Variants in EIF3C observed in about 807,000 individuals in gnomAD.
EIF3C encodes the protein cell migration-inducing protein 17.
Under a neutral mutation model 11.1 loss-of-function variants are expected in EIF3C, and 2 were observed. That is an observed-to-expected ratio of 0.18 (90% confidence interval 0.07 to 0.57). EIF3C has a LOEUF of 0.57. Among genes scored for constraint, EIF3C ranks in the 20% least tolerant of loss-of-function variants. EIF3C has a pLI of 0.92. For synonymous variants in EIF3C, 2 were observed against 41.5 expected, an observed-to-expected ratio of 0.05 and a Z score of 3.66; for missense variants, 16 against 114.6, an observed-to-expected ratio of 0.14 and a Z score of 3.93.
intron 1 of EIF3C, among the ~76,000 whole-genome samples, chr16:28,696,964 C>CTTT (rs574170044): frequency 2.2e-4 from 9 of 41,262 alleles, no homozygotes; most frequent in African/African-American, 1.9e-3. Flanking sequence ...ACACTACTAT[C>CTTT]TTTTTTTTTT....
Position 28,701,227 on chromosome 16 carries a change from C to T in EIF3C, c.-30-10430C>T, listed in dbSNP as rs368724118. On this transcript the variant is annotated intron_variant, in intron 1 of 20. Transcript: ENST00000566501. ...AAACTGCTTTTGCTGAGCGTGTCCA[C>T]GTTCCAGGTCATGCTCTTTTTCTTG... 167 of 369,890 alleles carry T rather than the reference C, an allele frequency of 4.5e-4. 53 individuals are homozygous for T. The highest frequency in any genetic ancestry group is 7.0e-4 in the Non-Finnish European group (141 of 201,660). 22.9% of individuals were successfully genotyped at this position (369,890 alleles called of 1,614,324 possible).
chr16:28,704,528 C>T lies in EIF3C; in HGVS notation c.-30-7129C>T, dbSNP rs1189821232. 6.5e-5 allele frequency among the ~76,000 whole-genome samples: 5 copies of T among 77,496 alleles called. 1 individual carries two copies. Among genetic ancestry groups the T allele is most frequent in the African/African-American group, 2.0e-4 (2 of 10,092 alleles). 50.8% of individuals were successfully genotyped at this position (77,496 alleles called of 152,430 possible). ...CCTGGGAACATAGTGAGGCCCCCCC[C>T]GTCTCTACAAAAAACAAAAACCCCA... On this transcript the variant is annotated intron_variant, in intron 1 of 20. Transcript: ENST00000566501.
In EIF3C at chr16:28,695,591, G is replaced by T. The variant is rs1411044833; in HGVS notation, c.-31+6763G>T. On this transcript the variant is annotated intron_variant, in intron 1 of 20. Coordinates refer to the EIF3C transcript ENST00000566501. The stretch of plus-strand genomic sequence containing the variant: ...GAGTATAATAGGAATAGCCATCTAT[G>T]GCAACTGACAAATCTCCACACTGGC... Among the ~76,000 whole-genome samples the T allele has an allele frequency of 7.2e-5, 3 of 41,756 alleles. 1 individual carries two copies. The highest frequency in any genetic ancestry group is 1.3e-4 in the Non-Finnish European group (3 of 23,610). 27.4% of individuals were successfully genotyped at this position (41,756 alleles called of 152,430 possible).
intron 1 of EIF3C, among the ~76,000 whole-genome samples, chr16:28,698,255 G>A (rs1397818546): frequency 6.6e-5 from 8 of 121,990 alleles, no homozygotes; most frequent in Admixed American, 3.9e-4. Flanking sequence ...GGGTGGGGGG[G>A]CTGACCCCCC....
At chr16:28,698,420 CCAGG>C (rs1379642837) in intron 1 of EIF3C, among the ~76,000 whole-genome samples, 13 of 88,146 alleles carry the variant, frequency 1.5e-4, no homozygotes, top group African/African-American at 1.0e-3. Context: ...GCATGGCTGG[CCAGG>C]CGGGGGGCTG....
intron 15 of EIF3C, among the ~76,000 whole-genome samples, chr16:28,728,521 G>GGT (rs56292996): frequency 0.2 from 17,109 of 86,328 alleles, 2,293 homozygotes; most frequent in Middle Eastern, 0.3. Flanking sequence ...ATCTTTTAGG[G>GGT]GTGTGTGTGT....
At position 28,691,245 on chromosome 16, in the gene EIF3C, C is replaced by T. The variant is rs1344462459; in HGVS notation, c.-31+2417C>T. 1.4e-4 allele frequency among the ~76,000 whole-genome samples: 5 copies of T among 35,634 alleles called. 1 individual carries two copies. The highest frequency in any genetic ancestry group is 2.1e-4 in the Non-Finnish European group (5 of 23,320). The allele number at this position is 35,634 out of a possible 152,430, so 23.4% of individuals were successfully genotyped here. On this transcript the variant is annotated intron_variant, in intron 1 of 20. Transcript: ENST00000566501. The stretch of plus-strand genomic sequence containing the variant: ...TGGAGCAGAAAAAGCCTTTGTTGGA[C>T]GAATTTACAAAGCTTGTGCAAATGT...
At chr16:28,710,205 TCTCGAATTCCTGAC>T (rs2048299738), upstream of EIF3C, among the ~76,000 whole-genome samples, 1 of 143,414 alleles carries the variant, frequency 7.0e-6, no homozygotes, top group African/African-American at 2.5e-5. Flanking sequence ...GCCAGGCTGG[TCTCGAATTCCTGAC>T]CTCAAGTGAT....
At chr16:28,698,557 G>C (rs1392611653) in intron 1 of EIF3C, among the ~76,000 whole-genome samples, 1 of 96,776 alleles carries the variant, frequency 1.0e-5, no homozygotes, top group Non-Finnish European at 1.9e-5. Context: ...CCTCCCGGAC[G>C]GGGTGGCTGC....
chr16:28,698,657 AG>A (rs1362415596), intron 1 of EIF3C, among the ~76,000 whole-genome samples: 1 of 55,352 alleles, frequency 1.8e-5, no homozygotes, highest in Non-Finnish European at 3.0e-5. Flanking sequence ...CCGGGCGGAG[AG>A]GCTCCTCACT....
intron 1 of EIF3C, among the ~76,000 whole-genome samples, chr16:28,696,806 A>G (rs74524223): frequency 0.45 from 25,338 of 56,448 alleles, 7,270 homozygotes; most frequent in South Asian, 0.51. Context: ...AGATCATGCC[A>G]CTGCCCTCCA....
chr16:28,729,916 G>A (rs1178960913), intron 15 of EIF3C, among the ~76,000 whole-genome samples: 5 of 150,454 alleles, frequency 3.3e-5, no homozygotes, highest in Admixed American at 6.6e-5. Context: ...CCACGATCAC[G>A]CCACTGCACT....
At chr16:28,697,131 ATTTTTTTT>A (rs546075666) in intron 1 of EIF3C, among the ~76,000 whole-genome samples, 1 of 12,554 alleles carries the variant, frequency 8.0e-5, no homozygotes, top group Non-Finnish European at 1.2e-4. Context: ...CGCCTGGCTA[ATTTTTTTT>A]TTTTTTTTTT....
chr16:28,692,451 C>T (rs2048223102), intron 1 of EIF3C, among the ~76,000 whole-genome samples: 1 of 105,250 alleles, frequency 9.5e-6, no homozygotes, highest in Non-Finnish European at 1.9e-5. Flanking sequence ...AGGCTTGAGC[C>T]ACTGCACCCA....
chr16:28,729,843 C>CCA (rs2048422898), intron 15 of EIF3C, among the ~76,000 whole-genome samples: 1 of 149,714 alleles, frequency 6.7e-6, no homozygotes, highest in African/African-American at 2.5e-5. Context: ...GCCTGTAGTC[C>CCA]CACCTACTCA....
intron 1 of EIF3C, among the ~76,000 whole-genome samples, chr16:28,703,556 GA>G (rs978950388): frequency 9.4e-6 from 1 of 106,706 alleles, no homozygotes; most frequent in Non-Finnish European, 1.9e-5. Context: ...TGTAAATATT[GA>G]AAAAAATGTT....
At chr16:28,718,659 C>T (rs1281569575) in intron 8 of EIF3C, among the ~76,000 whole-genome samples, 11 of 132,690 alleles carry the variant, frequency 8.3e-5, no homozygotes, top group Non-Finnish European at 1.1e-4. Flanking sequence ...CTTGCACTGT[C>T]GCCCAGGCTG....
At chr16:28,729,137 G>A (rs1204857274) in intron 15 of EIF3C, among the ~76,000 whole-genome samples, 1 of 13,424 alleles carries the variant, frequency 7.4e-5, no homozygotes, top group African/African-American at 3.0e-4. Flanking sequence ...GTGCAGTGGC[G>A]CGATCTTGAC....
intron 1 of EIF3C, among the ~76,000 whole-genome samples, chr16:28,698,458 G>T (rs1375368732): frequency 1.6e-5 from 1 of 61,342 alleles, no homozygotes; most frequent in Admixed American, 1.5e-4. Flanking sequence ...CCTCCCGGAT[G>T]GCACGGCTGG....
Sources: gnomAD v4.1 joint callset for allele counts (sites outside exome capture counted in the v4.1 genomes callset) on GRCh38, gnomAD v4.1.1 for gene constraint, MANE v1.5 for transcripts, NCBI Gene and HGNC (gene_info 2026-07-23, HGNC 2026-07-21) for gene names.